The following NKAIN3 variants were observed in gnomAD, a reference collection of about 807,000 sequenced individuals.
NKAIN3 encodes sodium/potassium transporting ATPase interacting 3.
A neutral mutation model predicts 30.2 loss-of-function variants in NKAIN3; 25 were observed. The observed-to-expected ratio is 0.83, with a 90% CI of 0.60 to 1.16. The LOEUF (loss-of-function observed/expected upper bound fraction) is 1.16, where lower values mean the gene tolerates loss of function less well. Among genes scored for constraint, NKAIN3 ranks in the 50% most tolerant of loss-of-function variants. NKAIN3 has a pLI of 0.00. For missense variants in NKAIN3, 225 were observed against 254.1 expected (o/e 0.89, Z 0.78); for synonymous variants, 91 against 89.6 (o/e 1.02, Z -0.09).
intron 3 of NKAIN3, among the ~76,000 whole-genome samples, chr8:62,656,776 TG>T (rs1812776234): frequency 6.6e-6 from 1 of 152,190 alleles, no homozygotes; most frequent in South Asian, 2.1e-4. Flanking sequence ...TTTGTAACCT[TG>T]GCCCCACCAA....
intron 1 of NKAIN3, among the ~76,000 whole-genome samples, chr8:62,495,104 T>C (rs1807194688): frequency 6.6e-6 from 1 of 152,160 alleles, no homozygotes; most frequent in Non-Finnish European, 1.5e-5. Context: ...TCTCTTACTA[T>C]CCATCTTCAT....
In NKAIN3 at chr8:62,996,753, A is replaced by C. The variant is rs573395431; in HGVS notation, c.533-2478A>C. Among the ~76,000 whole-genome samples the C allele has an allele frequency of 2.0e-5, 3 of 152,330 alleles. No homozygotes were observed. The East Asian group carries it at 5.8e-4, about 29-fold the overall frequency. On this transcript the variant is annotated intron_variant, in intron 5 of 5. Transcript: ENST00000519049. ...ACAAAGAGGCCACAGACACCATGCA[A>C]GTCCAAAACCTGATGGGGCAGTCAT...
At chr8:62,345,328 CAT>C (rs71259314) in intron 1 of NKAIN3, among the ~76,000 whole-genome samples, 1,531 of 117,294 alleles carry the variant, frequency 0.013, 88 homozygotes, top group Non-Finnish European at 0.018. Flanking sequence ...CATATATACA[CAT>C]ATATGTATAT....
At chr8:62,847,632 T>C (rs1819731662) in intron 4 of NKAIN3, among the ~76,000 whole-genome samples, 1 of 152,110 alleles carries the variant, frequency 6.6e-6, no homozygotes, top group African/African-American at 2.4e-5. Context: ...CTCTGTAGGT[T>C]GTATTTGCTC....
intron 3 of NKAIN3, among the ~76,000 whole-genome samples, chr8:62,632,660 G>T (rs968711628): frequency 1.3e-5 from 2 of 151,970 alleles, no homozygotes; most frequent in Non-Finnish European, 2.9e-5. Context: ...GTGCCACCAT[G>T]CCTGGCTAAT....
intron 5 of NKAIN3, among the ~76,000 whole-genome samples, chr8:62,940,245 C>T (rs1371737871): frequency 2.0e-5 from 3 of 151,426 alleles, no homozygotes; most frequent in South Asian, 2.1e-4. Flanking sequence ...GCATCTAACA[C>T]TTGAGCTCCC....
chr8:62,273,146 C>T (rs1287172797), intron 1 of NKAIN3, among the ~76,000 whole-genome samples: 1 of 152,124 alleles, frequency 6.6e-6, no homozygotes, highest in East Asian at 1.9e-4. Context: ...GTTTGCTGAT[C>T]TTTGTTCTAT....
chr8:62,804,477 G>T (rs1818198338), intron 4 of NKAIN3, among the ~76,000 whole-genome samples: 1 of 152,152 alleles, frequency 6.6e-6, no homozygotes, highest in African/African-American at 2.4e-5. Flanking sequence ...TCATCCCTAG[G>T]ATGCAAGGCT....
At chr8:62,924,841 G>A (rs1200279194) in intron 5 of NKAIN3, among the ~76,000 whole-genome samples, 2 of 152,168 alleles carry the variant, frequency 1.3e-5, no homozygotes, top group East Asian at 3.9e-4. Flanking sequence ...CTTCATAAAT[G>A]ACTGTCTTCT....
chr8:62,484,895 C>T (rs1031749311), intron 1 of NKAIN3, among the ~76,000 whole-genome samples: 2 of 152,152 alleles, frequency 1.3e-5, no homozygotes, highest in Admixed American at 6.5e-5. Flanking sequence ...GGGCTCAGTC[C>T]AGGTGTAGGC....
At chr8:62,504,222 TC>T (rs548509071) in intron 1 of NKAIN3, among the ~76,000 whole-genome samples, 1 of 151,614 alleles carries the variant, frequency 6.6e-6, no homozygotes, top group Non-Finnish European at 1.5e-5. Context: ...CCTGAAACTG[TC>T]CCCCCACCAC....
At chr8:62,857,427 T>C (rs183790387) in intron 4 of NKAIN3, among the ~76,000 whole-genome samples, 26 of 152,326 alleles carry the variant, frequency 1.7e-4, no homozygotes, top group African/African-American at 6.3e-4. Flanking sequence ...CTGGATGATA[T>C]CCTGAAGTAT....
intron 3 of NKAIN3, among the ~76,000 whole-genome samples, chr8:62,694,583 C>T (rs1814093789): frequency 6.6e-6 from 1 of 152,192 alleles, no homozygotes; most frequent in Middle Eastern, 3.4e-3. Context: ...GTAGAACCTC[C>T]TCTATGTTAC....
intron 1 of NKAIN3, among the ~76,000 whole-genome samples, chr8:62,489,422 C>A (rs979747501): frequency 4.6e-5 from 7 of 152,118 alleles, no homozygotes; most frequent in African/African-American, 1.4e-4. Context: ...CATGTGCTAA[C>A]CTCAGTTATC....
At chr8:62,740,835 A>G (rs1028401479) in intron 3 of NKAIN3, among the ~76,000 whole-genome samples, 2 of 152,142 alleles carry the variant, frequency 1.3e-5, no homozygotes, top group Admixed American at 6.5e-5. Flanking sequence ...AAGAGCTCAA[A>G]CATTTAATGT....
intron 1 of NKAIN3, among the ~76,000 whole-genome samples, chr8:62,466,029 GA>G (rs1347232246): frequency 4.0e-5 from 6 of 151,658 alleles, no homozygotes; most frequent in African/African-American, 9.7e-5. Context: ...CATCTAAAAA[GA>G]AAAAAGAAAG....
chr8:62,855,279 G>A (rs1820029361), intron 4 of NKAIN3: 1 of 494,034 alleles, frequency 2.0e-6, no homozygotes, highest in Non-Finnish European at 3.8e-6. Flanking sequence ...CAGTGTGGAA[G>A]GGCAGCTGGT....
chr8:62,280,187 G>A (rs1813129351), intron 1 of NKAIN3, among the ~76,000 whole-genome samples: 1 of 148,586 alleles, frequency 6.7e-6, no homozygotes, highest in African/African-American at 2.5e-5. Flanking sequence ...TCTGTTATTG[G>A]TGTATAAGAA....
At chr8:62,834,591 C>A (rs1326933644) in intron 4 of NKAIN3, among the ~76,000 whole-genome samples, 4 of 151,190 alleles carry the variant, frequency 2.6e-5, no homozygotes, top group African/African-American at 9.7e-5. Flanking sequence ...TACACACACA[C>A]ACACCACAAA....
Sources: allele counts gnomAD v4.1 joint callset (sites outside exome capture counted in the v4.1 genomes callset), GRCh38; gene constraint gnomAD v4.1.1; transcripts MANE v1.5; gene names NCBI Gene and HGNC (gene_info 2026-07-23, HGNC 2026-07-21).